Variants in ZFHX3 observed in about 807,000 individuals in gnomAD.
ZFHX3 encodes the protein zinc finger homeobox 3, also known as zinc finger homeobox protein 3.
ZFHX3 carries 42 observed loss-of-function variants against 279.1 expected under a neutral mutation model. The ratio of observed to expected loss-of-function variants is 0.15; its 90% CI spans 0.12 to 0.19. The LOEUF (loss-of-function observed/expected upper bound fraction) is 0.19, where lower values mean the gene tolerates loss of function less well. Ranked by LOEUF, ZFHX3 falls within the 10% of genes least tolerant of loss-of-function variation. ZFHX3 has a pLI of 1.00. For synonymous variants in ZFHX3, 2,293 were observed against 1,957.8 expected (o/e 1.17, Z -4.52); for missense variants, 4,981 against 4,754.0 (o/e 1.05, Z -1.40).
intron 1 of ZFHX3, among the ~76,000 whole-genome samples, chr16:73,712,423 C>T (rs2053372244): frequency 6.6e-6 from 1 of 152,192 alleles, no homozygotes; most frequent in South Asian, 2.1e-4. Flanking sequence ...ATCTCTGACC[C>T]TTCCCCAGCC....
chr16:73,243,161 T>A (rs929924836), intron 5 of ZFHX3, among the ~76,000 whole-genome samples: 5 of 152,204 alleles, frequency 3.3e-5, no homozygotes, highest in African/African-American at 4.8e-5. Context: ...TCTGCTCAGC[T>A]AAGTTGGGTT....
intron 3 of ZFHX3, among the ~76,000 whole-genome samples, chr16:73,450,066 T>C (rs1263772193): frequency 6.6e-6 from 1 of 152,192 alleles, no homozygotes; most frequent in Non-Finnish European, 1.5e-5. Context: ...ATGTGATAAT[T>C]TGATATACAT....
intron 5 of ZFHX3, among the ~76,000 whole-genome samples, chr16:73,176,859 A>G (rs376433000): frequency 1.3e-5 from 2 of 152,074 alleles, no homozygotes; most frequent in Admixed American, 6.6e-5. Context: ...CAAGGCTTGC[A>G]TCAGAGCAAT....
intron 1 of ZFHX3, among the ~76,000 whole-genome samples, chr16:73,744,285 G>C (rs1439438313): frequency 1.3e-5 from 2 of 152,204 alleles, no homozygotes; most frequent in African/African-American, 2.4e-5. Flanking sequence ...CACAGATGGT[G>C]CTTGACAGAG....
At chr16:73,078,049 C>G (rs898240231) in intron 8 of ZFHX3, among the ~76,000 whole-genome samples, 17 of 152,188 alleles carry the variant, frequency 1.1e-4, no homozygotes, top group Non-Finnish European at 8.8e-5. Context: ...GGGTGGTCCA[C>G]CTGCTTCGGC....
At chr16:73,137,200 T>G (rs1479235883) in intron 6 of ZFHX3, 1 of 152,168 alleles carries the variant, frequency 6.6e-6, no homozygotes. Flanking sequence ...GCCAGTGCTA[T>G]CTGGATAAAG....
chr16:73,853,333 T>G, intron 1 of ZFHX3, among the ~76,000 whole-genome samples: 1 of 152,050 alleles, frequency 6.6e-6, no homozygotes, highest in East Asian at 1.9e-4. Flanking sequence ...GGGTATCTGC[T>G]CAAAGAAAAA....
intron 1 of ZFHX3, among the ~76,000 whole-genome samples, chr16:73,768,499 T>C (rs1277914507): frequency 5.9e-5 from 9 of 152,228 alleles, no homozygotes; most frequent in Admixed American, 3.9e-4. Flanking sequence ...TGAAATCCTA[T>C]ATTCTGTTTT....
At chr16:73,667,934 G>A (rs563514406) in intron 2 of ZFHX3, among the ~76,000 whole-genome samples, 1 of 152,226 alleles carries the variant, frequency 6.6e-6, no homozygotes, top group South Asian at 2.1e-4. Context: ...TGAGCATTCT[G>A]GCCAATTAGC....
chr16:72,882,051 C>T (rs1421567419), intron 4 of ZFHX3, among the ~76,000 whole-genome samples: 1 of 152,124 alleles, frequency 6.6e-6, no homozygotes, highest in Non-Finnish European at 1.5e-5. Flanking sequence ...ACGGGGGTCT[C>T]TGGCATACTC....
At chr16:72,889,984 G>C (rs558319282) in intron 3 of ZFHX3, 22 bp from the exon 4 acceptor site, 3 of 1,602,878 alleles carry the variant, frequency 1.9e-6, no homozygotes, top group Non-Finnish European at 2.6e-6. Context: ...AAAAGAGAAA[G>C]ACATGCCTTG....
chr16:73,520,921 G>T (rs1345664612), intron 2 of ZFHX3, among the ~76,000 whole-genome samples: 2 of 152,196 alleles, frequency 1.3e-5, no homozygotes, highest in African/African-American at 4.8e-5. Flanking sequence ...TAGTTCTGAA[G>T]AGAGTGAAGA....
Position 72,795,402 on chromosome 16 carries a change from T to C in ZFHX3, c.7280A>G (p.Asp2427Gly). ...AGCTTCCGCCAGCTTTGGTTTCTCA[T>C]CGCCTGCCTCTGTTTTTGAATTGAA... ...ATFNSKTEAG[D>G]EKPKLAEAPS... Residue 2427 changes from aspartate (D) to glycine (G), a missense_variant, in exon 9 of 10, where the codon GAT becomes GGT. Physicochemically the swap from Asp to Gly is moderately conservative, Grantham distance 94. This residue lies in a region of ZFHX3 where 744 missense variants were observed against 701.3 expected (regional missense o/e 1.06). Coordinates refer to ENST00000268489, the MANE Select transcript of ZFHX3 (RefSeq NM_006885.4). 2 of 1,614,130 alleles carry C rather than the reference T, an allele frequency of 1.2e-6. No homozygotes were observed. Among genetic ancestry groups the C allele is most frequent in the Non-Finnish European group, 1.7e-6 (2 of 1,180,018 alleles).
At chr16:73,813,356 A>G (rs751294216) in intron 1 of ZFHX3, among the ~76,000 whole-genome samples, 1 of 152,050 alleles carries the variant, frequency 6.6e-6, no homozygotes, top group Non-Finnish European at 1.5e-5. Context: ...CTAGTTCCCC[A>G]TAGAGGACAG....
intron 2 of ZFHX3, among the ~76,000 whole-genome samples, chr16:73,542,933 C>T (rs562493724): frequency 6.6e-6 from 1 of 152,190 alleles, no homozygotes; most frequent in South Asian, 2.1e-4. Flanking sequence ...GAAATGTATT[C>T]CTAACCCCTG....
chr16:73,739,682 G>T (rs1251088556), intron 1 of ZFHX3, among the ~76,000 whole-genome samples: 2 of 152,162 alleles, frequency 1.3e-5, no homozygotes, highest in Non-Finnish European at 2.9e-5. Flanking sequence ...CCAAAAGGGT[G>T]GGAGAAAGGG....
intron 5 of ZFHX3, among the ~76,000 whole-genome samples, chr16:73,224,986 C>T (rs1029650310): frequency 1.3e-5 from 2 of 152,092 alleles, no homozygotes; most frequent in African/African-American, 4.8e-5. Context: ...TCTGTGTCAC[C>T]TTCACTGTGA....
chr16:73,117,515 C>A (rs948015261), intron 7 of ZFHX3, among the ~76,000 whole-genome samples: 2 of 152,164 alleles, frequency 1.3e-5, no homozygotes, highest in Admixed American at 1.3e-4. Context: ...ATGGTTACGA[C>A]CCAATGGAGT....
chr16:72,944,844 AAG>A (rs539214860), intron 3 of ZFHX3, among the ~76,000 whole-genome samples: 1 of 152,212 alleles, frequency 6.6e-6, no homozygotes, highest in African/African-American at 2.4e-5. Flanking sequence ...GGACTCAGAA[AAG>A]AGAGAGAGAA....
Sources: allele counts gnomAD v4.1 joint callset (sites outside exome capture counted in the v4.1 genomes callset), GRCh38; gene constraint gnomAD v4.1.1; regional missense constraint gnomAD v4.1.1; transcripts MANE v1.5; gene names NCBI Gene and HGNC (gene_info 2026-07-23, HGNC 2026-07-21).